Variants in LAT2 observed in about 807,000 individuals in gnomAD.
The protein encoded by LAT2 is linker for activation of T cells family member 2.
LAT2 carries 23 observed loss-of-function variants against 43.4 expected under a neutral mutation model. That is an observed-to-expected ratio of 0.53 (90% confidence interval 0.38 to 0.75). The LOEUF is 0.75. Among genes scored for constraint, LAT2 ranks in the 30% least tolerant of loss-of-function variants. The pLI is 0.00. For synonymous variants in LAT2, 128 were observed against 123.2 expected (o/e 1.04, Z -0.26); for missense variants, 284 against 310.2 (o/e 0.92, Z 0.64).
intron 1 of LAT2, among the ~76,000 whole-genome samples, chr7:74,213,416 C>T (rs554172759): frequency 1.8e-4 from 27 of 147,914 alleles, no homozygotes; most frequent in African/African-American, 3.5e-4. Context: ...CCACTGTGCC[C>T]GGCCATTTTT....
At chr7:74,213,985 G>C (rs1274635920) in intron 1 of LAT2, among the ~76,000 whole-genome samples, 1 of 146,660 alleles carries the variant, frequency 6.8e-6, no homozygotes, top group Non-Finnish European at 1.5e-5. Flanking sequence ...GTCTCACTCT[G>C]TTGCCCAGGC....
chr7:74,220,422 C>CA lies in LAT2; in HGVS notation c.266-161dup. Reference sequence around the variant, plus strand: ...GGGCAGGCTCCTGGAATCGGCCTGGCAGGGGGAGGGTGCACACTCGCACAT... The same window carrying CA: ...GGGCAGGCTCCTGGAATCGGCCTGGCAAGGGGGAGGGTGCACACTCGCACAT... On this transcript the variant is annotated intron_variant, in intron 7 of 13. Transcript: ENST00000460943. This position sits in a 1 kb window ranked among gnomAD's most constrained non-coding sequence, Gnocchi z 4.5. 1 of 1,221,250 alleles carries CA rather than the reference C, an allele frequency of 8.2e-7. No homozygotes were observed. The highest frequency in any genetic ancestry group is 1.2e-6 in the Non-Finnish European group (1 of 851,046). The allele number at this position is 1,221,250 out of a possible 1,614,324, so 75.7% of individuals were successfully genotyped here. A position where few individuals can be genotyped will look rare whatever the true frequency, so the allele number is the denominator to read the frequency against.
intron 12 of LAT2, among the ~76,000 whole-genome samples, chr7:74,224,436 T>C (rs1161531530): frequency 2.0e-5 from 3 of 152,132 alleles, no homozygotes; most frequent in African/African-American, 4.8e-5. Flanking sequence ...GCTGCATGCA[T>C]GGAGTAACGC....
Position 74,220,159 on chromosome 7 carries a change from CT to C in LAT2, c.228-57del. 6.4e-7 allele frequency: 1 copy of C among 1,569,184 alleles called. No homozygotes were observed. The stretch of plus-strand genomic sequence containing the variant: ...CACAAGGGGTATGGGGGGATGTGTC[CT>C]GGGGGGCCTCTCCCCTACAGCCCCT... On this transcript the variant is annotated intron_variant, in intron 6 of 13. Transcript: ENST00000460943. The surrounding 1 kb of genome is among the most constrained non-coding windows in gnomAD (Gnocchi z 4.5).
At chr7:74,212,844 G>A (rs576585130) in intron 1 of LAT2, among the ~76,000 whole-genome samples, 15 of 152,316 alleles carry the variant, frequency 9.8e-5, no homozygotes, top group Admixed American at 2.6e-4. Flanking sequence ...GACGTGGGTC[G>A]TGCCAGTCAC....
intron 13 of LAT2, among the ~76,000 whole-genome samples, chr7:74,228,460 A>T (rs1391142237): frequency 6.8e-6 from 1 of 146,880 alleles, no homozygotes; most frequent in African/African-American, 2.5e-5. Flanking sequence ...TGGGAGACAG[A>T]GCAAGACTCT....
chr7:74,216,865 G>A lies in LAT2; in HGVS notation c.134+1G>A, dbSNP rs782378129. On this transcript the variant is annotated splice_donor_variant, in intron 4 of 13. Coordinates refer to ENST00000460943, the MANE Select transcript of LAT2 (RefSeq NM_032464.3). LOFTEE classifies it high-confidence loss of function. ...AGAAAATCTACCAGCAGAGAAGTCT[G>A]TGAGTTGCCTCGATGTCCCTAGCCT... is the stretch of plus-strand genomic sequence containing the variant. 3 of 1,613,566 alleles carry A rather than the reference G, an allele frequency of 1.9e-6. No homozygotes were observed. Among genetic ancestry groups the A allele is most frequent in the Non-Finnish European group, 2.5e-6 (3 of 1,179,578 alleles).
At position 74,220,822 on chromosome 7, in the gene LAT2, G is replaced by A. The variant is rs1802244688; in HGVS notation, c.332+88G>A. 1 of 1,139,244 alleles carries A rather than the reference G, an allele frequency of 8.8e-7. No individual in the cohort carries two copies. The highest frequency in any genetic ancestry group is 1.8e-5 in the African/African-American group (1 of 57,030). 70.6% of individuals were successfully genotyped at this position (1,139,244 alleles called of 1,614,324 possible). Reference sequence around the variant, plus strand: ...CCCCACCTCTCCCCCTGCCCCACCTGCCTGCCACAGCCCTGGGCTTCCTGG... The same window carrying A: ...CCCCACCTCTCCCCCTGCCCCACCTACCTGCCACAGCCCTGGGCTTCCTGG... On this transcript the variant is annotated intron_variant, in intron 9 of 13. Coordinates refer to ENST00000460943, the MANE Select transcript of LAT2 (RefSeq NM_032464.3). This position sits in a 1 kb window ranked among gnomAD's most constrained non-coding sequence, Gnocchi z 4.5.
At chr7:74,223,642 G>A (rs1554715606) in intron 10 of LAT2, 82 bp from the exon 11 acceptor site, 2 of 1,340,208 alleles carry the variant, frequency 1.5e-6, no homozygotes, top group African/African-American at 2.9e-5. Flanking sequence ...CCTGCAAAGG[G>A]AAGGCAGGAC....
In LAT2 at chr7:74,216,716, C is replaced by T. The variant is rs1348321818; in HGVS notation, c.95-109C>T. The T allele has an allele frequency of 4.8e-6, 4 of 840,700 alleles. No homozygotes were observed. In the African/African-American group the frequency reaches 5.1e-5, roughly 11 times the overall value. The allele number at this position is 840,700 out of a possible 1,614,324, so 52.1% of individuals were successfully genotyped here. On this transcript the variant is annotated intron_variant, in intron 3 of 13. Transcript: ENST00000460943. Reference sequence around the variant, plus strand: ...TGGCCGGTGATGATTGACAGTTTGGCCCCCAAGTCCTGTCTGAGTCCTGCT... The same window carrying T: ...TGGCCGGTGATGATTGACAGTTTGGTCCCCAAGTCCTGTCTGAGTCCTGCT...
Position 74,220,599 on chromosome 7 carries a change from G to A in LAT2, c.281G>A (p.Arg94Lys). The A allele has an allele frequency of 6.2e-7, 1 of 1,614,084 alleles. No homozygotes were observed. The highest frequency in any genetic ancestry group is 8.5e-7 in the Non-Finnish European group (1 of 1,179,968). ...YPSLEDPASS[R>K]YQNFSKGSRH... ...TTTCTTCCAGATCCAGCATCTTCCA[G>A]GTACCAGAACTTCAGCAAAGGTAGG... The change falls in exon 8 of 14, where the codon AGG becomes AAG. Residue 94 changes from arginine (R) to lysine (K), a missense_variant. Transcript: ENST00000460943. The surrounding 1 kb of genome is among the most constrained non-coding windows in gnomAD (Gnocchi z 4.5).
Position 74,216,846 on chromosome 7 carries a change from T to G in LAT2, c.116T>G (p.Ile39Ser), listed in dbSNP as rs868935686. ...SRPGAKRSEKIYQQRSLREDQ... is the reference protein window; with the variant it reads ...SRPGAKRSEKSYQQRSLREDQ... Reference sequence around the variant, plus strand: ...GCAGGTGCAAAGAGGTCAGAGAAAATCTACCAGCAGAGAAGTCTGTGAGTT... The same window carrying G: ...GCAGGTGCAAAGAGGTCAGAGAAAAGCTACCAGCAGAGAAGTCTGTGAGTT... The change falls in exon 4 of 14, where the codon ATC (isoleucine) becomes AGC (serine). Residue 39 changes from isoleucine to serine, a missense_variant. Transcript: ENST00000460943. The G allele has an allele frequency of 9.3e-6, 15 of 1,613,586 alleles. No homozygotes were observed. The African/African-American group carries it at 1.5e-4, about 16-fold the overall frequency.
At chr7:74,225,847 G>C (rs114387627) in intron 13 of LAT2, 17 of 152,510 alleles carry the variant, frequency 1.1e-4, no homozygotes, top group African/African-American at 4.1e-4. Context: ...GGCAGGTGCA[G>C]GAGTTTGAGC....
At chr7:74,223,596 G>A in intron 10 of LAT2, 128 bp from the exon 11 acceptor site, 1 of 832,708 alleles carries the variant, frequency 1.2e-6, no homozygotes, top group Non-Finnish European at 2.0e-6. Flanking sequence ...GAGGTCCCGG[G>A]GGACCCAGAG....
Position 74,216,124 on chromosome 7 carries a change from GA to G in LAT2, c.94+56del. The stretch of plus-strand genomic sequence containing the variant: ...GAGAAGGTGTGGACAGTGCATCTCA[GA>G]GGCCCTCTCAGGCCCAGACGTGGCT... On this transcript the variant is annotated intron_variant, in intron 3 of 13. Transcript: ENST00000460943. 2.8e-6 allele frequency: 4 copies of G among 1,450,924 alleles called. No homozygotes were observed. In the Admixed American group the frequency reaches 7.9e-5, roughly 29 times the overall value. The allele number at this position is 1,450,924 out of a possible 1,614,324, so 89.9% of individuals were successfully genotyped here.
intron 4 of LAT2, among the ~76,000 whole-genome samples, chr7:74,218,002 G>A (rs868950591): frequency 1.3e-5 from 2 of 151,914 alleles, no homozygotes; most frequent in Non-Finnish European, 2.9e-5. Flanking sequence ...AACCTCCCCC[G>A]ATGCCCCCCA....
intron 1 of LAT2, 82 bp from the exon 2 acceptor site, chr7:74,214,740 A>AATATATAAATATATATATAAACATAT (rs1801960563): frequency 1.0e-5 from 1 of 97,698 alleles, no homozygotes; most frequent in South Asian, 2.9e-4. Flanking sequence ...TATATATAAA[A>AATATATAAATATATATATAAACATAT]ATATATAAAT....
intron 1 of LAT2, among the ~76,000 whole-genome samples, chr7:74,213,564 A>C (rs1801810975): frequency 6.6e-6 from 1 of 151,742 alleles, no homozygotes. Context: ...AGCTGGGATC[A>C]CAGGCGTGTG....
intron 11 of LAT2, 87 bp from the exon 12 acceptor site, chr7:74,223,931 G>A (rs1372134921): frequency 1.3e-6 from 2 of 1,495,732 alleles, no homozygotes; most frequent in African/African-American, 2.8e-5. Flanking sequence ...GTAGAGCCTT[G>A]CCCCTACTAT....
Sources: gnomAD v4.1 joint callset for allele counts (sites outside exome capture counted in the v4.1 genomes callset) on GRCh38, gnomAD v4.1.1 for gene constraint, Gnocchi (gnomAD v3.1) non-coding constraint, MANE v1.5 for transcripts, NCBI Gene and HGNC (gene_info 2026-07-23, HGNC 2026-07-21) for gene names.